FBXO3: variants seen among roughly 807,000 people sequenced by gnomAD.
FBXO3 encodes the protein F-box protein 3.
Under a neutral mutation model 64.8 loss-of-function variants are expected in FBXO3, and 17 were observed. The observed-to-expected ratio is 0.26, with a 90% CI of 0.18 to 0.39. The LOEUF is 0.39. FBXO3 is among the 10% of genes least tolerant of loss of function. The pLI, the probability that FBXO3 is intolerant of heterozygous loss-of-function variation, is 1.00. For missense variants in FBXO3, 420 were observed against 589.9 expected, an observed-to-expected ratio of 0.71 and a Z score of 2.98; for synonymous variants, 182 against 201.6, an observed-to-expected ratio of 0.90 and a Z score of 0.82.
In FBXO3 at chr11:33,750,562, G is replaced by A; in HGVS notation, c.909C>T (p.His303=). 2.5e-6 allele frequency: 4 copies of A among 1,613,892 alleles called. No individual in the cohort carries two copies. The highest frequency in any genetic ancestry group is 1.1e-5 in the South Asian group (1 of 91,052). ...ACCTGATTCGGTATGTGAAGAAATA[G>A]TGGGGTGGATGTACAGAGCTAAGTT... ...LPELSSVHPP[H]YFFTYRIRIE... The change falls in exon 8 of 11, where the codon CAC becomes CAT. Residue 303 remains histidine (H), a synonymous_variant. Transcript: ENST00000265651.
intron 6 of FBXO3, chr11:33,754,127 T>G (rs913254273): frequency 3.5e-5 from 7 of 201,844 alleles, no homozygotes; most frequent in South Asian, 1.6e-4. Context: ...TCCCCAATTA[T>G]ACATGAATAT....
intron 5 of FBXO3, among the ~76,000 whole-genome samples, chr11:33,754,957 C>T (rs1855057685): frequency 6.7e-6 from 1 of 149,390 alleles, no homozygotes; most frequent in Non-Finnish European, 1.5e-5. Context: ...CCTCCGCCTC[C>T]CGGATTCAAG....
At chr11:33,755,119 G>A (rs1855063994) in intron 5 of FBXO3, among the ~76,000 whole-genome samples, 1 of 151,808 alleles carries the variant, frequency 6.6e-6, no homozygotes, top group African/African-American at 2.4e-5. Flanking sequence ...TGATCCACCC[G>A]CCTCAGCCTC....
intron 4 of FBXO3, chr11:33,757,160 G>T: frequency 2.0e-6 from 1 of 497,694 alleles, no homozygotes; most frequent in Non-Finnish European, 4.0e-6. Context: ...GGAACACCAG[G>T]TTCCAATAAG....
intron 9 of FBXO3, among the ~76,000 whole-genome samples, chr11:33,748,253 A>G (rs1405999809): frequency 1.3e-5 from 2 of 152,212 alleles, no homozygotes; most frequent in Non-Finnish European, 2.9e-5. Context: ...CAATGAATTT[A>G]GAAAACGTTA....
chr11:33,747,652 CA>C (rs1854849662), intron 9 of FBXO3, among the ~76,000 whole-genome samples: 1 of 151,924 alleles, frequency 6.6e-6, no homozygotes, highest in Non-Finnish European at 1.5e-5. Flanking sequence ...ACTGGGATTA[CA>C]AGCACCTGCC....
chr11:33,768,908 C>T lies in FBXO3; in HGVS notation c.301G>A (p.Asp101Asn), dbSNP rs769264685. ...DHYAAIKKAW[D>N]DLKKYLEPRC... ...GGCTCCAAATATTTCTTGAGATCAT[C>T]CCAGGCCTTTTTAATAGCAGCATAA... Residue 101 changes from aspartate to asparagine, a missense_variant, in exon 3 of 11, where the codon GAT (aspartate) becomes AAT (asparagine). Physicochemically the swap from Asp to Asn is conservative, Grantham distance 23 (BLOSUM62 1). Around this residue, in one of 3 missense-constraint regions of FBXO3, gnomAD observed 337 missense variants for 518.4 expected, o/e 0.65. Coordinates refer to ENST00000265651, the MANE Select transcript of FBXO3 (RefSeq NM_012175.4). 2.5e-5 allele frequency: 41 copies of T among 1,614,004 alleles called. No individual in the cohort carries two copies. The highest frequency in any genetic ancestry group is 3.0e-5 in the Non-Finnish European group (35 of 1,179,984).
intron 6 of FBXO3, 59 bp downstream of exon 6, chr11:33,754,396 T>C: frequency 7.0e-7 from 1 of 1,432,846 alleles, no homozygotes; most frequent in African/African-American, 1.5e-5. Context: ...ACCATTTTAA[T>C]TTTTTTATTA....
At chr11:33,774,362 C>G (rs1855587525) in intron 1 of FBXO3, 32 bp downstream of exon 1, 7 of 1,550,120 alleles carry the variant, frequency 4.5e-6, no homozygotes, top group Non-Finnish European at 6.1e-6. Flanking sequence ...CTCCCCATGC[C>G]CCCACCCCTG....
At chr11:33,761,700 C>T (rs1855247493) in intron 3 of FBXO3, among the ~76,000 whole-genome samples, 3 of 152,174 alleles carry the variant, frequency 2.0e-5, no homozygotes, top group South Asian at 2.1e-4. Flanking sequence ...CCCCAAAAGG[C>T]TGAAAGTATG....
At chr11:33,750,509 C>T in intron 8 of FBXO3, 30 bp downstream of exon 8, 1 of 1,611,690 alleles carries the variant, frequency 6.2e-7, no homozygotes, top group Non-Finnish European at 8.5e-7. Flanking sequence ...CCACCATTAA[C>T]TGAAAGGTGA....
intron 5 of FBXO3, 65 bp downstream of exon 5, chr11:33,755,706 T>G: frequency 8.6e-7 from 1 of 1,162,214 alleles, no homozygotes; most frequent in Admixed American, 1.7e-5. Context: ...AAATACCTAA[T>G]GCATGCATTT....
intron 3 of FBXO3, among the ~76,000 whole-genome samples, chr11:33,768,546 A>C (rs1226994249): frequency 6.6e-6 from 1 of 152,192 alleles, no homozygotes; most frequent in Non-Finnish European, 1.5e-5. Context: ...AAATCTTTTA[A>C]AAGAAATCAC....
At chr11:33,759,815 A>C (rs1590577471) in intron 3 of FBXO3, among the ~76,000 whole-genome samples, 1 of 152,368 alleles carries the variant, frequency 6.6e-6, no homozygotes, top group South Asian at 2.1e-4. Context: ...TCAATGAATT[A>C]AATGAAGATG....
At position 33,754,465 on chromosome 11, in the gene FBXO3, C is replaced by T. The variant is rs1445820054; in HGVS notation, c.714G>A (p.Met238Ile). 2.5e-6 allele frequency: 4 copies of T among 1,583,048 alleles called. No individual in the cohort carries two copies. The Admixed American group carries it at 5.4e-5, about 22-fold the overall frequency. ...QMARNPAAID[M>I]FIIGATFTDW... ...TTTTTTCTTTCCTACCTATAATAAA[C>T]ATGTCAATAGCAGCTGGATTTCGAG... The change falls in exon 6 of 11, where the codon ATG (methionine) becomes ATA (isoleucine). Residue 238 changes from methionine (M) to isoleucine (I), a missense_variant. Transcript: ENST00000265651.
At chr11:33,760,390 C>T (rs1051029792) in intron 3 of FBXO3, among the ~76,000 whole-genome samples, 1 of 152,064 alleles carries the variant, frequency 6.6e-6, no homozygotes, top group African/African-American at 2.4e-5. Context: ...TGCATGTAAT[C>T]CCAGCACTTT....
chr11:33,744,206 A>G (rs963026344), intron 10 of FBXO3: 7 of 152,212 alleles, frequency 4.6e-5, no homozygotes, highest in African/African-American at 9.6e-5. Flanking sequence ...GTTCTAAAAC[A>G]TGATATGTGA....
chr11:33,772,275 A>T (rs569852684), intron 1 of FBXO3: 1 of 152,316 alleles, frequency 6.6e-6, no homozygotes, highest in East Asian at 1.9e-4. Context: ...GCTGCAATAC[A>T]CTGGATACTT....
intron 9 of FBXO3, among the ~76,000 whole-genome samples, 182 bp from the exon 10 acceptor site, chr11:33,747,502 T>G (rs1854844191): frequency 6.6e-6 from 1 of 151,864 alleles, no homozygotes; most frequent in Admixed American, 6.6e-5. Context: ...GTAGGTATTT[T>G]ATTCCTCTTG....
Sources: allele counts gnomAD v4.1 joint callset (sites outside exome capture counted in the v4.1 genomes callset), GRCh38; gene constraint gnomAD v4.1.1; regional missense constraint gnomAD v4.1.1; transcripts MANE v1.5; gene names NCBI Gene and HGNC (gene_info 2026-07-23, HGNC 2026-07-21).